GAS2: variants seen among roughly 807,000 people sequenced by gnomAD.
GAS2 encodes the protein growth arrest specific 2.
In GAS2, 20 loss-of-function variants were observed where a neutral mutation model predicts 37.5. The ratio of observed to expected loss-of-function variants is 0.53; its 90% CI spans 0.37 to 0.77. The LOEUF (loss-of-function observed/expected upper bound fraction) is 0.77. Ranked by LOEUF, GAS2 falls within the 30% of genes least tolerant of loss-of-function variation. The probability of loss-of-function intolerance (pLI) is 0.00; values close to 1 mark genes in which losing one functional copy is unlikely to be tolerated. For missense variants in GAS2, 336 were observed against 373.4 expected (o/e 0.90, Z 0.82); for synonymous variants, 144 against 132.2 (o/e 1.09, Z -0.61).
chr11:22,717,277 A>G (rs969364313), intron 3 of GAS2, among the ~76,000 whole-genome samples: 2 of 152,320 alleles, frequency 1.3e-5, no homozygotes, highest in African/African-American at 2.4e-5. Context: ...CCAAAACAGT[A>G]TGGTATGATA....
At chr11:22,774,048 C>T (rs923072197) in intron 7 of GAS2, among the ~76,000 whole-genome samples, 4 of 152,146 alleles carry the variant, frequency 2.6e-5, no homozygotes, top group African/African-American at 4.8e-5. Context: ...GGCTGGAGTA[C>T]AATGGCACAA....
At chr11:22,661,268 C>T (rs915248462) in intron 1 of GAS2, among the ~76,000 whole-genome samples, 6 of 152,152 alleles carry the variant, frequency 3.9e-5, no homozygotes, top group African/African-American at 1.4e-4. Flanking sequence ...TGCTGAATCC[C>T]GTCTATCACC....
At chr11:22,683,599 A>T (rs972314646) in intron 2 of GAS2, among the ~76,000 whole-genome samples, 2 of 152,168 alleles carry the variant, frequency 1.3e-5, no homozygotes, top group African/African-American at 4.8e-5. Flanking sequence ...GAATTGAACT[A>T]CATGCCTGTT....
chr11:22,707,644 C>A (rs1312324072), intron 3 of GAS2, among the ~76,000 whole-genome samples: 4 of 152,070 alleles, frequency 2.6e-5, no homozygotes, highest in African/African-American at 9.7e-5. Flanking sequence ...AAAAAATGTA[C>A]AGAGAAATTG....
intron 3 of GAS2, among the ~76,000 whole-genome samples, chr11:22,696,938 T>C (rs1234894986): frequency 2.7e-5 from 4 of 148,814 alleles, no homozygotes. Context: ...GCAGAAGCTC[T>C]TTAGTTTAAT....
chr11:22,725,750 C>T (rs2134162999), intron 3 of GAS2, among the ~76,000 whole-genome samples: 2 of 152,162 alleles, frequency 1.3e-5, no homozygotes, highest in Admixed American at 1.3e-4. Context: ...TATTTTTTAA[C>T]ATTTCCCTTT....
Position 22,629,547 on chromosome 11 carries a change from C to G in GAS2, c.-21+3734C>G, listed in dbSNP as rs1858716304. Reference sequence around the variant, plus strand: ...CATTGTGGTTTTAATTTGCATTTCCCTGATAATTAGGGATGTTGAGTATTT... The same window carrying G: ...CATTGTGGTTTTAATTTGCATTTCCGTGATAATTAGGGATGTTGAGTATTT... On this transcript the variant is annotated intron_variant, in intron 1 of 5. Transcript: ENST00000528582. 2.0e-5 allele frequency among the ~76,000 whole-genome samples: 3 copies of G among 152,284 alleles called. No homozygotes were observed. In the South Asian group the frequency reaches 6.2e-4, roughly 32 times the overall value.
intron 7 of GAS2, among the ~76,000 whole-genome samples, chr11:22,757,567 C>T (rs528303599): frequency 6.6e-6 from 1 of 152,234 alleles, no homozygotes; most frequent in East Asian, 1.9e-4. Context: ...CTGATTAGTC[C>T]AGCAAGTAAT....
intron 1 of GAS2, among the ~76,000 whole-genome samples, chr11:22,647,694 T>C (rs1397676151): frequency 2.0e-5 from 3 of 152,244 alleles, no homozygotes; most frequent in East Asian, 1.9e-4. Context: ...CATTTTTTCA[T>C]GTGTTTCTTG....
At chr11:22,700,935 T>C (rs929377080) in intron 3 of GAS2, among the ~76,000 whole-genome samples, 8 of 152,164 alleles carry the variant, frequency 5.3e-5, no homozygotes, top group Non-Finnish European at 1.0e-4. Context: ...ATGAAATCAT[T>C]TTTTTTCTTT....
intron 3 of GAS2, among the ~76,000 whole-genome samples, chr11:22,699,105 T>C (rs985515629): frequency 6.6e-6 from 1 of 152,174 alleles, no homozygotes; most frequent in African/African-American, 2.4e-5. Context: ...TATTCCACAG[T>C]TGTGTTCCAT....
chr11:22,664,260 G>A (rs1848949879), upstream of GAS2, among the ~76,000 whole-genome samples: 1 of 152,074 alleles, frequency 6.6e-6, no homozygotes, highest in Non-Finnish European at 1.5e-5. Context: ...TTCAGAGTGA[G>A]TACTACATAT....
At chr11:22,669,334 G>A (rs142824424) in intron 1 of GAS2, among the ~76,000 whole-genome samples, 1 of 151,984 alleles carries the variant, frequency 6.6e-6, no homozygotes, top group African/African-American at 2.4e-5. Context: ...TCTGGTAGGG[G>A]TTAAAAAAAC....
intron 1 of GAS2, among the ~76,000 whole-genome samples, chr11:22,659,878 GAGGA>G (rs528185216): frequency 1.1e-5 from 1 of 93,930 alleles, no homozygotes; most frequent in Admixed American, 1.4e-4. Flanking sequence ...AAAATGGAGG[GAGGA>G]AGGAAGGAAG....
At chr11:22,658,738 G>A (rs985930837) in intron 1 of GAS2, among the ~76,000 whole-genome samples, 2 of 152,186 alleles carry the variant, frequency 1.3e-5, no homozygotes, top group African/African-American at 2.4e-5. Context: ...ATACTGAGAA[G>A]AAAGAGTGTG....
intron 3 of GAS2, among the ~76,000 whole-genome samples, chr11:22,686,912 A>C (rs1849988607): frequency 6.6e-6 from 1 of 152,166 alleles, no homozygotes. Flanking sequence ...ATTGTATAAT[A>C]TACAAAACCT....
intron 3 of GAS2, among the ~76,000 whole-genome samples, chr11:22,705,632 A>G (rs2134050732): frequency 1.3e-5 from 2 of 152,316 alleles, no homozygotes; most frequent in South Asian, 4.1e-4. Context: ...CTTTCGTTTA[A>G]CCATAACATA....
At chr11:22,685,269 T>A (rs1404560733) in intron 2 of GAS2, among the ~76,000 whole-genome samples, 1 of 152,162 alleles carries the variant, frequency 6.6e-6, no homozygotes, top group Non-Finnish European at 1.5e-5. Flanking sequence ...TCAAAGTAAT[T>A]GAATGGGCCA....
intron 5 of GAS2, among the ~76,000 whole-genome samples, chr11:22,743,215 T>C (rs1853189368): frequency 6.6e-6 from 1 of 152,116 alleles, no homozygotes; most frequent in African/African-American, 2.4e-5. Flanking sequence ...ATGACTACAG[T>C]AAATTTTTTG....
Sources: gnomAD v4.1 joint callset for allele counts (sites outside exome capture counted in the v4.1 genomes callset) on GRCh38, gnomAD v4.1.1 for gene constraint, MANE v1.5 for transcripts, NCBI Gene and HGNC (gene_info 2026-07-23, HGNC 2026-07-21) for gene names.